Variants in MGST2 observed in about 807,000 individuals in gnomAD.
MGST2 encodes microsomal glutathione S-transferase 2.
In MGST2, 9 loss-of-function variants were observed where a neutral mutation model predicts 16.6. The ratio of observed to expected loss-of-function variants is 0.54; its 90% CI spans 0.33 to 0.95. MGST2 has a LOEUF of 0.95. Ranked by LOEUF, MGST2 falls within the 40% of genes least tolerant of loss-of-function variation. The pLI is 0.03. For synonymous variants in MGST2, 79 were observed against 68.0 expected, an observed-to-expected ratio of 1.16 and a Z score of -0.79; for missense variants, 159 against 175.1, an observed-to-expected ratio of 0.91 and a Z score of 0.52.
At chr4:139,680,141 A>G (rs1731162941) in intron 2 of MGST2, among the ~76,000 whole-genome samples, 1 of 152,216 alleles carries the variant, frequency 6.6e-6, no homozygotes, top group South Asian at 2.1e-4. Flanking sequence ...GGAAGAAATA[A>G]TTTCATGCTC....
chr4:139,692,292 A>T (rs559314935), intron 2 of MGST2, among the ~76,000 whole-genome samples: 6 of 152,332 alleles, frequency 3.9e-5, no homozygotes, highest in Admixed American at 3.3e-4. Flanking sequence ...CCTAAATCTC[A>T]GTGGCTTCCA....
chr4:139,666,392 AGCG>A (rs1197526199), intron 1 of MGST2, among the ~76,000 whole-genome samples: 1 of 152,146 alleles, frequency 6.6e-6, no homozygotes, highest in Non-Finnish European at 1.5e-5. Context: ...CGTTCAAACG[AGCG>A]TTAGTAGCCT....
At chr4:139,700,096 T>C (rs2110894744) in intron 3 of MGST2, among the ~76,000 whole-genome samples, 1 of 150,620 alleles carries the variant, frequency 6.6e-6, no homozygotes, top group African/African-American at 2.4e-5. Flanking sequence ...ATGTGCCAGG[T>C]ACTGTTTTTG....
At chr4:139,739,489 C>T (rs549423140) in intron 5 of MGST2, among the ~76,000 whole-genome samples, 2 of 152,132 alleles carry the variant, frequency 1.3e-5, no homozygotes, top group South Asian at 2.1e-4. Context: ...TGATTAATTC[C>T]ACCACCAAAG....
chr4:139,737,368 G>T (rs1728987456), intron 5 of MGST2, among the ~76,000 whole-genome samples: 1 of 82,856 alleles, frequency 1.2e-5, no homozygotes, highest in Non-Finnish European at 2.9e-5. Flanking sequence ...GTCTGGTGGT[G>T]GCGTCTCTGG....
intron 1 of MGST2, among the ~76,000 whole-genome samples, chr4:139,676,937 G>A (rs1730990466): frequency 2.0e-5 from 3 of 152,168 alleles, no homozygotes; most frequent in African/African-American, 7.2e-5. Context: ...AGATCTGGGA[G>A]AGATTAATGG....
intron 3 of MGST2, among the ~76,000 whole-genome samples, chr4:139,696,858 A>G (rs1312449444): frequency 2.6e-5 from 4 of 152,168 alleles, no homozygotes; most frequent in African/African-American, 7.2e-5. Context: ...GATCATATCC[A>G]TAGAGTACCT....
At chr4:139,678,901 T>C (rs1451419753) in intron 2 of MGST2, 2 of 545,738 alleles carry the variant, frequency 3.7e-6, no homozygotes, top group East Asian at 6.3e-5. Flanking sequence ...GGGACTGCTG[T>C]GTCTCCCAAG....
chr4:139,719,126 G>A lies in MGST2; in HGVS notation c.*48+14930G>A, dbSNP rs190952133. 7.2e-4 allele frequency: 434 copies of A among 598,722 alleles called. 2 individuals are homozygous for A. In the African/African-American group the frequency reaches 7.5e-3, roughly 10 times the overall value. The allele number at this position is 598,722 out of a possible 1,614,324, so 37.1% of individuals were successfully genotyped here. A position where few individuals can be genotyped will look rare whatever the true frequency, so the allele number is the denominator to read the frequency against. On this transcript the variant is annotated intron_variant, in intron 5 of 5. Coordinates refer to the MGST2 transcript ENST00000616265. ...ATCTGCATGGCGTCTCATCTCGATTGCTGTGTGAAAATCAGGTGAAATGAG... is the reference window on the plus strand; with the variant it reads ...ATCTGCATGGCGTCTCATCTCGATTACTGTGTGAAAATCAGGTGAAATGAG...
rs1364655782 is a variant in MGST2 at position 139,715,584 on chromosome 4, G to T, written c.*48+11388G>T. On this transcript the variant is annotated intron_variant, in intron 5 of 5. Transcript: ENST00000616265. This position sits in a 1 kb window ranked among gnomAD's most constrained non-coding sequence, Gnocchi z 4.4. ...AATGGCTACTCCATAGAGCAGCCCC[G>T]AGGGCTGCTGGTTGTCCATTTTTAT... Among the ~76,000 whole-genome samples the T allele has an allele frequency of 6.6e-6, 1 of 152,166 alleles. No individual in the cohort carries two copies. Among genetic ancestry groups the T allele is most frequent in the African/African-American group, 2.4e-5 (1 of 41,438 alleles).
chr4:139,675,193 G>A (rs1579291702), intron 1 of MGST2, among the ~76,000 whole-genome samples: 1 of 152,206 alleles, frequency 6.6e-6, no homozygotes, highest in Non-Finnish European at 1.5e-5. Flanking sequence ...CGCTTAGCGG[G>A]ACTGAAGGAT....
chr4:139,674,789 A>G (rs1304466613), intron 1 of MGST2, among the ~76,000 whole-genome samples: 1 of 152,196 alleles, frequency 6.6e-6, no homozygotes, highest in African/African-American at 2.4e-5. Context: ...TCTTAAAAAA[A>G]CAAAATCTTT....
At chr4:139,698,606 G>A in intron 3 of MGST2, 1 of 810,458 alleles carries the variant, frequency 1.2e-6, no homozygotes, top group South Asian at 1.5e-5. Flanking sequence ...GGAGCTCGGC[G>A]AGCGAGAGGC....
intron 2 of MGST2, among the ~76,000 whole-genome samples, chr4:139,693,271 G>A (rs1298891107): frequency 6.6e-6 from 1 of 152,108 alleles, no homozygotes; most frequent in Non-Finnish European, 1.5e-5. Flanking sequence ...CGGGCGCGGT[G>A]GCAGGTGCCT....
chr4:139,693,486 G>A lies in MGST2; in HGVS notation c.159-1711G>A, dbSNP rs551203851. On this transcript the variant is annotated intron_variant, in intron 2 of 4. Coordinates refer to ENST00000265498, the MANE Select transcript of MGST2 (RefSeq NM_002413.5). ...CTCTGCTACTACTACATTTTACCTC[G>A]TGGGAAACAGGCCTATGGATTTAGC... Among the ~76,000 whole-genome samples the A allele has an allele frequency of 5.9e-5, 9 of 151,868 alleles. No homozygotes were observed. In the East Asian group the frequency reaches 1.2e-3, roughly 20 times the overall value.
At chr4:139,673,166 T>C (rs1730789275) in intron 1 of MGST2, among the ~76,000 whole-genome samples, 1 of 152,116 alleles carries the variant, frequency 6.6e-6, no homozygotes, top group African/African-American at 2.4e-5. Flanking sequence ...GACAAGGAGA[T>C]AGTGGGGGAG....
At chr4:139,680,018 AACCCTTTTT>A (rs1318291255) in intron 2 of MGST2, among the ~76,000 whole-genome samples, 2 of 152,206 alleles carry the variant, frequency 1.3e-5, no homozygotes, top group Non-Finnish European at 2.9e-5. Context: ...CCCTAGAGAT[AACCCTTTTT>A]GATTACTACT....
At chr4:139,693,369 C>T (rs1287235679) in intron 2 of MGST2, among the ~76,000 whole-genome samples, 1 of 143,546 alleles carries the variant, frequency 7.0e-6, no homozygotes, top group African/African-American at 2.6e-5. Context: ...CGTGCCACTG[C>T]ACTCCAGCCT....
chr4:139,727,945 G>C (rs118063098), intron 5 of MGST2, among the ~76,000 whole-genome samples: 1 of 152,164 alleles, frequency 6.6e-6, no homozygotes, highest in Non-Finnish European at 1.5e-5. Context: ...GCCGGGTGCC[G>C]TGGCTCACAC....
Sources: gnomAD v4.1 joint callset for allele counts (sites outside exome capture counted in the v4.1 genomes callset) on GRCh38, gnomAD v4.1.1 for gene constraint, Gnocchi (gnomAD v3.1) non-coding constraint, MANE v1.5 for transcripts, NCBI Gene and HGNC (gene_info 2026-07-23, HGNC 2026-07-21) for gene names.